Variants in NSD2 observed in about 807,000 individuals in gnomAD.
NSD2 encodes the protein histone-lysine N-methyltransferase NSD2.
Under a neutral mutation model 139.0 loss-of-function variants are expected in NSD2, and 12 were observed. The ratio of observed to expected loss-of-function variants is 0.09; its 90% CI spans 0.06 to 0.14. The LOEUF (loss-of-function observed/expected upper bound fraction) is 0.14. Among genes scored for constraint, NSD2 ranks in the 10% least tolerant of loss-of-function variants. The pLI, the probability that NSD2 is intolerant of heterozygous loss-of-function variation, is 1.00. For synonymous variants in NSD2, 669 were observed against 648.7 expected, an observed-to-expected ratio of 1.03 and a Z score of -0.48; for missense variants, 1,155 against 1,745.0, an observed-to-expected ratio of 0.66 and a Z score of 6.02.
At position 1,974,521 on chromosome 4, in the gene NSD2, G is replaced by C; in HGVS notation, c.3373-342G>C. 1 of 430,560 alleles carries C rather than the reference G, an allele frequency of 2.3e-6. No individual in the cohort carries two copies. 26.7% of individuals were successfully genotyped at this position (430,560 alleles called of 1,614,324 possible). A position where few individuals can be genotyped will look rare whatever the true frequency, so the allele number is the denominator to read the frequency against. ...GAGCCACTGCGCCCAGCCAGGGTGA[G>C]TCTTGTTCTTGTCCTTGAGTGCCAC... On this transcript the variant is annotated intron_variant, in intron 18 of 21. Transcript: ENST00000508803. The surrounding 1 kb of genome is among the most constrained non-coding windows in gnomAD (Gnocchi z 4.0).
At position 1,956,891 on chromosome 4, in the gene NSD2, G is replaced by A. The variant is rs1293407110; in HGVS notation, c.2881+703G>A. Reference sequence around the variant, plus strand: ...GTATTTAAAGCTTGGTTAGCTCCATGCTGCCAGAAGCTTTGCAGGCTGCAC... The same window carrying A: ...GTATTTAAAGCTTGGTTAGCTCCATACTGCCAGAAGCTTTGCAGGCTGCAC... On this transcript the variant is annotated intron_variant, in intron 15 of 21. Coordinates refer to ENST00000508803, the MANE Select transcript of NSD2 (RefSeq NM_001042424.3). This position sits in a 1 kb window ranked among gnomAD's most constrained non-coding sequence, Gnocchi z 5.3. 6.6e-6 allele frequency among the ~76,000 whole-genome samples: 1 copy of A among 152,260 alleles called. No homozygotes were observed. The highest frequency in any genetic ancestry group is 1.5e-5 in the Non-Finnish European group (1 of 68,048).
chr4:1,931,586 TAA>T (rs1721639880), intron 6 of NSD2, among the ~76,000 whole-genome samples: 1 of 151,992 alleles, frequency 6.6e-6, no homozygotes, highest in Non-Finnish European at 1.5e-5. Flanking sequence ...AGTCCAAACA[TAA>T]AGTGTTTCAA....
At chr4:1,968,139 G>A (rs1281621673) in intron 18 of NSD2, among the ~76,000 whole-genome samples, 1 of 152,196 alleles carries the variant, frequency 6.6e-6, no homozygotes, top group Non-Finnish European at 1.5e-5. Flanking sequence ...AGACAAAGAT[G>A]GAGAGAGCTG....
At chr4:1,965,692 T>C (rs138762103) in intron 18 of NSD2, among the ~76,000 whole-genome samples, 1 of 152,348 alleles carries the variant, frequency 6.6e-6, no homozygotes, top group African/African-American at 2.4e-5. Context: ...AATTGATGAC[T>C]CACAGTTCCA....
chr4:1,938,350 C>T, intron 7 of NSD2, 101 bp from the exon 8 acceptor site: 2 of 1,078,702 alleles, frequency 1.9e-6, no homozygotes, highest in South Asian at 2.1e-5. Flanking sequence ...ATTTTTTTTC[C>T]TTTCTTTTCC....
chr4:1,938,423 T>C (rs779513829), intron 7 of NSD2, 28 bp from the exon 8 acceptor site: 9 of 1,108,174 alleles, frequency 8.1e-6, no homozygotes, highest in East Asian at 3.0e-5. Flanking sequence ...TTTCTTTTTT[T>C]TTTTTTTTTT....
chr4:1,952,056 G>A (rs1724321167), intron 10 of NSD2, 52 bp from the exon 11 acceptor site: 2 of 1,583,786 alleles, frequency 1.3e-6, no homozygotes, highest in Admixed American at 3.5e-5. Flanking sequence ...TGTGGTAAGA[G>A]GTGCAGAAGG....
At chr4:1,957,876 G>A (rs1445112716) in intron 15 of NSD2, 57 bp from the exon 16 acceptor site, 22 of 1,480,106 alleles carry the variant, frequency 1.5e-5, no homozygotes, top group South Asian at 3.5e-5. Context: ...TATGGAGCTT[G>A]AAAGGTAGTT....
At chr4:1,874,728 A>C (rs1714125786) in intron 1 of NSD2, among the ~76,000 whole-genome samples, 2 of 152,216 alleles carry the variant, frequency 1.3e-5, no homozygotes, top group Admixed American at 6.5e-5. Context: ...TGGAGCAAGA[A>C]ATCTACCTCG....
chr4:1,878,251 ATTTTTTTTTTTTTTTTTTTTTT>A (rs71589624), intron 1 of NSD2, among the ~76,000 whole-genome samples: 2 of 29,316 alleles, frequency 6.8e-5, no homozygotes, highest in Non-Finnish European at 1.1e-4. Context: ...ATATATATAT[ATTTTTTTTTTTTTTTTTTTTTT>A]TTTTTTTTTT....
At position 1,901,100 on chromosome 4, in the gene NSD2, C is replaced by T; in HGVS notation, c.446C>T (p.Ala149Val). ...FESSICGDSA[A>V]DVSQSEENGQ... ...TCTTCCATTTGTGGTGACAGTGCTG[C>T]TGATGTGTCTCAGTCAGAAGAAAAT... The change falls in exon 2 of 22, where the codon GCT becomes GTT. Residue 149 changes from alanine (A) to valine (V), a missense_variant. By Grantham distance (64) the Ala-to-Val change is moderately conservative. Transcript: ENST00000508803. 6.2e-7 allele frequency: 1 copy of T among 1,614,158 alleles called. No individual in the cohort carries two copies. The highest frequency in any genetic ancestry group is 8.5e-7 in the Non-Finnish European group (1 of 1,180,030).
chr4:1,969,864 G>C (rs144811315), intron 18 of NSD2, among the ~76,000 whole-genome samples: 1 of 152,312 alleles, frequency 6.6e-6, no homozygotes, highest in East Asian at 1.9e-4. Context: ...CAGGCAGAAA[G>C]GAGAGCTAGG....
chr4:1,922,357 C>G (rs1407694666), intron 5 of NSD2, among the ~76,000 whole-genome samples: 1 of 152,148 alleles, frequency 6.6e-6, no homozygotes, highest in Non-Finnish European at 1.5e-5. Context: ...ATGTCAGGTA[C>G]TGCGGAATCA....
In NSD2 at chr4:1,917,046, T is replaced by G. The variant is rs764542983; in HGVS notation, c.927+9T>G. On this transcript the variant is annotated intron_variant, in intron 4 of 21. Coordinates refer to ENST00000508803, the MANE Select transcript of NSD2 (RefSeq NM_001042424.3). ...AAGCTGAGAAAATTAAGGTGATAGA[T>G]GACCCTTCAGTCTACTTTTAGACCA... 1.9e-6 allele frequency: 3 copies of G among 1,600,752 alleles called. No individual in the cohort carries two copies. Among genetic ancestry groups the G allele is most frequent in the Non-Finnish European group, 2.6e-6 (3 of 1,174,324 alleles).
chr4:1,975,533 G>GCCCACAGCAGGGAA, intron 20 of NSD2, 133 bp downstream of exon 20: 1 of 727,156 alleles, frequency 1.4e-6, no homozygotes, highest in Non-Finnish European at 2.3e-6. Context: ...CAAGTTCCCT[G>GCCCACAGCAGGGAA]CTGTGGGCTG....
chr4:1,887,365 C>T (rs1345485207), intron 1 of NSD2: 2 of 152,066 alleles, frequency 1.3e-5, no homozygotes, highest in Non-Finnish European at 2.9e-5. Context: ...ATAGCAAGTC[C>T]CCACTTTTGC....
intron 1 of NSD2, among the ~76,000 whole-genome samples, chr4:1,881,890 G>A (rs1362572608): frequency 6.6e-6 from 1 of 152,186 alleles, no homozygotes; most frequent in African/African-American, 2.4e-5. Flanking sequence ...TTGGCTCCAT[G>A]AGGGTGGGGG....
Position 1,956,311 on chromosome 4 carries a change from T to A in NSD2, c.2881+123T>A. 1.2e-6 allele frequency: 1 copy of A among 866,516 alleles called. No homozygotes were observed. The highest frequency in any genetic ancestry group is 2.5e-5 in the South Asian group (1 of 40,224). 53.7% of individuals were successfully genotyped at this position (866,516 alleles called of 1,614,324 possible). Reference sequence around the variant, plus strand: ...GGACTAAGCATTCAATCTGTTTTTTTAAATTAGGAAAATGTTTGCAGTCTG... The same window carrying A: ...GGACTAAGCATTCAATCTGTTTTTTAAAATTAGGAAAATGTTTGCAGTCTG... On this transcript the variant is annotated intron_variant, in intron 15 of 21. Coordinates refer to ENST00000508803, the MANE Select transcript of NSD2 (RefSeq NM_001042424.3). This position sits in a 1 kb window ranked among gnomAD's most constrained non-coding sequence, Gnocchi z 5.3.
chr4:1,891,311 T>C (rs755998702), intron 1 of NSD2, among the ~76,000 whole-genome samples: 16 of 152,228 alleles, frequency 1.1e-4, no homozygotes, highest in Non-Finnish European at 1.9e-4. Flanking sequence ...ATTTTAGGTA[T>C]GTGTAAATCA....
Sources: allele counts gnomAD v4.1 joint callset (sites outside exome capture counted in the v4.1 genomes callset), GRCh38; gene constraint gnomAD v4.1.1; non-coding constraint Gnocchi (gnomAD v3.1); transcripts MANE v1.5; gene names NCBI Gene and HGNC (gene_info 2026-07-23, HGNC 2026-07-21).